Variants in PCDH11X observed in about 807,000 individuals in gnomAD.
PCDH11X encodes the protein protocadherin-11 X-linked.
In PCDH11X, 18 loss-of-function variants were observed where a neutral mutation model predicts 53.3. The ratio of observed to expected loss-of-function variants is 0.34; its 90% CI spans 0.23 to 0.50. The LOEUF is 0.50. Among genes scored for constraint, PCDH11X ranks in the 20% least tolerant of loss-of-function variants. The pLI is 0.98. For synonymous variants in PCDH11X, 279 were observed against 393.3 expected, an observed-to-expected ratio of 0.71 and a Z score of 3.44; for missense variants, 570 against 1,032.4, an observed-to-expected ratio of 0.55 and a Z score of 6.14.
chrX:91,904,744 A>G (rs1412737019), intron 6 of PCDH11X, among the ~76,000 whole-genome samples: 2 of 110,450 alleles, frequency 1.8e-5, no homozygotes, highest in Non-Finnish European at 1.9e-5. Flanking sequence ...TAGACATTCT[A>G]TAATACATTT....
At chrX:92,571,084 T>A (rs1922158247) in intron 10 of PCDH11X, among the ~76,000 whole-genome samples, 2 of 112,148 alleles carry the variant, frequency 1.8e-5, no homozygotes, top group Admixed American at 1.9e-4. Context: ...CAGAGCTAAC[T>A]GAAAGGTTTT....
At chrX:92,044,867 GT>G (rs777179306) in intron 6 of PCDH11X, among the ~76,000 whole-genome samples, 2 of 101,879 alleles carry the variant, frequency 2.0e-5, no homozygotes, top group Non-Finnish European at 3.9e-5. Flanking sequence ...ATGAAAATGA[GT>G]TTTTTGGGGA....
chrX:92,181,739 C>T (rs996411105), intron 6 of PCDH11X, among the ~76,000 whole-genome samples: 6 of 112,628 alleles, frequency 5.3e-5, no homozygotes, highest in Non-Finnish European at 7.5e-5. Context: ...GCCTTGGCAC[C>T]TTCCACATGG....
chrX:92,273,281 G>A (rs994932566), intron 8 of PCDH11X, among the ~76,000 whole-genome samples: 4 of 110,754 alleles, frequency 3.6e-5, no homozygotes, highest in Non-Finnish European at 5.7e-5. Flanking sequence ...GGGCAGGGGC[G>A]GGGGTCACAA....
At chrX:92,526,723 G>T (rs1352487569) in intron 10 of PCDH11X, among the ~76,000 whole-genome samples, 80 of 103,260 alleles carry the variant, frequency 7.7e-4, no homozygotes, top group Admixed American at 2.5e-3. Flanking sequence ...ACAGTTTGGA[G>T]TTCCCTCAAA....
intron 6 of PCDH11X, chrX:92,113,411 T>G: frequency 1.7e-6 from 2 of 1,202,893 alleles, no homozygotes; most frequent in Non-Finnish European, 2.2e-6. Context: ...TCCCTGTTGG[T>G]GGGAAGGTCA....
chrX:92,367,210 C>T (rs1057402069), intron 8 of PCDH11X, among the ~76,000 whole-genome samples: 3 of 111,614 alleles, frequency 2.7e-5, no homozygotes, highest in Admixed American at 1.9e-4. Flanking sequence ...GGATAGTTAA[C>T]TCTTCTTGTT....
intron 6 of PCDH11X, among the ~76,000 whole-genome samples, chrX:92,119,242 A>G (rs1473089639): frequency 9.1e-6 from 1 of 109,547 alleles, no homozygotes; most frequent in Non-Finnish European, 1.9e-5. Flanking sequence ...AGTAGCTGGG[A>G]CTACAGGGAT....
chrX:92,262,906 A>AC, intron 7 of PCDH11X: 1 of 363,848 alleles, frequency 2.7e-6, no homozygotes, highest in Non-Finnish European at 3.5e-6. Flanking sequence ...CAATGCTGTT[A>AC]TATCCCTTTA....
intron 6 of PCDH11X, among the ~76,000 whole-genome samples, chrX:92,024,566 A>G (rs2062937100): frequency 9.1e-6 from 1 of 109,329 alleles, no homozygotes; most frequent in South Asian, 3.9e-4. Context: ...AAGAATCAAT[A>G]TCGTGAAAAC....
rs193197735 is a variant in PCDH11X at position 92,322,807 on chromosome X, A to G, written c.3144+59664A>G. On this transcript the variant is annotated intron_variant, in intron 8 of 10. Transcript: ENST00000682573. ...GAGGAAAATAGCTTGAAAGCAAAGA[A>G]TGACAGCAACACTGAAATGATGAAG... is the stretch of plus-strand genomic sequence containing the variant. Among the ~76,000 whole-genome samples the G allele has an allele frequency of 5.5e-3, 617 of 111,398 alleles. 4 individuals are homozygous for G. Among genetic ancestry groups the G allele is most frequent in the South Asian group, 0.01 (27 of 2,634 alleles).
At chrX:91,952,060 G>A (rs886788333) in intron 6 of PCDH11X, among the ~76,000 whole-genome samples, 2 of 110,399 alleles carry the variant, frequency 1.8e-5, no homozygotes, top group African/African-American at 3.3e-5. Context: ...TAAGTATCCC[G>A]AAAACATCCT....
At chrX:92,561,365 C>T (rs1425279779) in intron 10 of PCDH11X, among the ~76,000 whole-genome samples, 1 of 97,200 alleles carries the variant, frequency 1.0e-5, no homozygotes, top group Non-Finnish European at 2.1e-5. Flanking sequence ...ATAGAGAATT[C>T]AAAATAGCTG....
At position 92,171,514 on chromosome X, in the gene PCDH11X, C is replaced by T. The variant is rs186851300; in HGVS notation, c.3034-29861C>T. Among the ~76,000 whole-genome samples the T allele has an allele frequency of 1.1e-3, 120 of 111,009 alleles. No homozygotes were observed. In the East Asian group the frequency reaches 0.022, roughly 21 times the overall value. ...AGTCTTAGTTGCTCAGGCTGGCGTG[C>T]AGTAGTGTGATCTCAGCTCACTGTA... On this transcript the variant is annotated intron_variant, in intron 6 of 10. Transcript: ENST00000682573.
At chrX:92,017,340 C>T (rs1602687891) in intron 6 of PCDH11X, among the ~76,000 whole-genome samples, 1 of 110,522 alleles carries the variant, frequency 9.0e-6, no homozygotes, top group African/African-American at 3.3e-5. Flanking sequence ...AATACATACA[C>T]CTACTATGTA....
chrX:92,465,600 C>A (rs1237075051), intron 9 of PCDH11X, among the ~76,000 whole-genome samples: 2 of 111,749 alleles, frequency 1.8e-5, no homozygotes, highest in African/African-American at 6.5e-5. Context: ...CCTATAAGCT[C>A]TTCAAACATC....
At chrX:92,472,508 A>G (rs2073289009) in intron 10 of PCDH11X, among the ~76,000 whole-genome samples, 2 of 105,826 alleles carry the variant, frequency 1.9e-5, no homozygotes, top group Admixed American at 1.1e-4. Flanking sequence ...CATTCTGGTT[A>G]CTATAATCCT....
At chrX:92,160,650 T>C (rs1280784602) in intron 6 of PCDH11X, among the ~76,000 whole-genome samples, 2 of 108,073 alleles carry the variant, frequency 1.9e-5, no homozygotes, top group African/African-American at 6.7e-5. Context: ...TCTTTTTTTT[T>C]TTTTTTTATA....
chrX:92,116,997 GTTTTTGGGAAGGCC>G (rs2064652712), intron 6 of PCDH11X, among the ~76,000 whole-genome samples: 1 of 109,030 alleles, frequency 9.2e-6, no homozygotes, highest in South Asian at 4.0e-4. Context: ...TTAGTTGTGT[GTTTTTGGGAAGGCC>G]TCTTTTGCAA....
Sources: gnomAD v4.1 joint callset for allele counts (sites outside exome capture counted in the v4.1 genomes callset) on GRCh38, gnomAD v4.1.1 for gene constraint, MANE v1.5 for transcripts, NCBI Gene and HGNC (gene_info 2026-07-23, HGNC 2026-07-21) for gene names.